The following NUBPL variants were observed in gnomAD, a reference collection of about 807,000 sequenced individuals.
NUBPL encodes the protein NUBP iron-sulfur cluster assembly factor, mitochondrial.
NUBPL carries 31 observed loss-of-function variants against 45.7 expected under a neutral mutation model. That is an observed-to-expected ratio of 0.68 (90% CI 0.51 to 0.92). The LOEUF is 0.92. Ranked by LOEUF, NUBPL falls within the 40% of genes least tolerant of loss-of-function variation. The pLI is 0.00. For missense variants in NUBPL, 401 were observed against 398.7 expected, an observed-to-expected ratio of 1.01 and a Z score of -0.05; for synonymous variants, 144 against 140.9, an observed-to-expected ratio of 1.02 and a Z score of -0.15.
At chr14:31,641,270 A>T (rs1383316008) in intron 4 of NUBPL, among the ~76,000 whole-genome samples, 1 of 151,978 alleles carries the variant, frequency 6.6e-6, no homozygotes, top group East Asian at 1.9e-4. Context: ...CTTTTATATA[A>T]CTGTGTATTT....
At chr14:31,757,682 A>AATTT (rs1470489862) in intron 6 of NUBPL, among the ~76,000 whole-genome samples, 1 of 152,168 alleles carries the variant, frequency 6.6e-6, no homozygotes, top group Non-Finnish European at 1.5e-5. Flanking sequence ...CTAAGTGATA[A>AATTT]ATAGTACATG....
At chr14:31,639,680 C>A (rs557808950) in intron 4 of NUBPL, among the ~76,000 whole-genome samples, 1 of 152,302 alleles carries the variant, frequency 6.6e-6, no homozygotes, top group African/African-American at 2.4e-5. Context: ...GTGCCCTACC[C>A]CAGAGATGGA....
chr14:31,778,825 T>G (rs1288255978), intron 6 of NUBPL, among the ~76,000 whole-genome samples: 1 of 152,216 alleles, frequency 6.6e-6, no homozygotes, highest in Admixed American at 6.5e-5. Flanking sequence ...TTGCCAGTAG[T>G]GTATTGTGGA....
intron 6 of NUBPL, among the ~76,000 whole-genome samples, chr14:31,713,115 G>A (rs1424075359): frequency 6.6e-6 from 1 of 152,132 alleles, no homozygotes; most frequent in East Asian, 1.9e-4. Context: ...ACTTAAATAA[G>A]ACAAACGTTA....
intron 6 of NUBPL, among the ~76,000 whole-genome samples, chr14:31,739,220 A>ATATATATTATAT (rs2038227748): frequency 4.8e-5 from 1 of 21,030 alleles, no homozygotes; most frequent in African/African-American, 2.5e-4. Context: ...ATATTATATT[A>ATATATATTATAT]TATATATATA....
In NUBPL at chr14:31,685,778, C is replaced by T. The variant is rs184821620; in HGVS notation, c.513+12204C>T. Reference sequence around the variant, plus strand: ...AACAAAAGGTATTCTTCCCAGTAGACGGGAAAAGATGGTGCATTTATTCAA... The same window carrying T: ...AACAAAAGGTATTCTTCCCAGTAGATGGGAAAAGATGGTGCATTTATTCAA... On this transcript the variant is annotated intron_variant, in intron 6 of 10. Coordinates refer to ENST00000281081, the MANE Select transcript of NUBPL (RefSeq NM_025152.3). Among the ~76,000 whole-genome samples, 97 of 152,204 alleles carry T rather than the reference C, an allele frequency of 6.4e-4. 1 individual carries two copies. Among genetic ancestry groups the T allele is most frequent in the Non-Finnish European group, 1.1e-3 (75 of 68,000 alleles).
rs759690524 is a variant in NUBPL, at chr14:31,596,817, ATAC to A, written c.292-2471_292-2469del. On this transcript the variant is annotated intron_variant, in intron 3 of 10. Coordinates refer to ENST00000281081, the MANE Select transcript of NUBPL (RefSeq NM_025152.3). ...GCTTTCTCATTCATGAGTATGGATAATACCACCTTGCAGTGTTGCTGTGAGGAT... is the reference window on the plus strand; with the variant it reads ...GCTTTCTCATTCATGAGTATGGATAACACCTTGCAGTGTTGCTGTGAGGAT... Among the ~76,000 whole-genome samples, 8 of 152,342 alleles carry A rather than the reference ATAC, an allele frequency of 5.3e-5. No homozygotes were observed. The South Asian group carries it at 8.3e-4, about 16-fold the overall frequency.
chr14:31,569,935 G>A (rs1308480596), intron 3 of NUBPL, among the ~76,000 whole-genome samples: 5 of 151,806 alleles, frequency 3.3e-5, no homozygotes, highest in Non-Finnish European at 7.4e-5. Context: ...TTCTTTTACG[G>A]CAAAAATTTG....
chr14:31,586,367 A>C (rs1344347845), intron 3 of NUBPL, among the ~76,000 whole-genome samples: 1 of 152,212 alleles, frequency 6.6e-6, no homozygotes, highest in Non-Finnish European at 1.5e-5. Context: ...TAATAATTTG[A>C]AGGTGAGGTG....
intron 6 of NUBPL, among the ~76,000 whole-genome samples, chr14:31,684,343 A>G (rs980261797): frequency 2.0e-5 from 3 of 152,144 alleles, no homozygotes; most frequent in African/African-American, 4.8e-5. Flanking sequence ...CTTATCTTCA[A>G]TTAAGATGTA....
intron 7 of NUBPL, among the ~76,000 whole-genome samples, chr14:31,822,886 T>G (rs1041780674): frequency 2.6e-5 from 4 of 152,194 alleles, no homozygotes; most frequent in African/African-American, 9.6e-5. Context: ...AGATGCTTAT[T>G]TGTGCTACTG....
At chr14:31,798,305 T>TTC (rs1566566956) in intron 7 of NUBPL, among the ~76,000 whole-genome samples, 1 of 114,092 alleles carries the variant, frequency 8.8e-6, no homozygotes, top group Non-Finnish European at 1.5e-5. Context: ...TATTTATGGT[T>TTC]TTTTTTTTTT....
At chr14:31,854,596 A>T (rs998418765) in intron 10 of NUBPL, among the ~76,000 whole-genome samples, 10 of 152,326 alleles carry the variant, frequency 6.6e-5, no homozygotes, top group Non-Finnish European at 1.3e-4. Context: ...ATTCTCACTT[A>T]ATACTCCGAA....
intron 4 of NUBPL, among the ~76,000 whole-genome samples, chr14:31,626,441 A>G (rs2035210067): frequency 6.6e-6 from 1 of 152,274 alleles, no homozygotes; most frequent in East Asian, 1.9e-4. Context: ...CACCTGGCCC[A>G]CTGTTTAGCT....
intron 10 of NUBPL, among the ~76,000 whole-genome samples, chr14:31,856,158 G>C (rs1759127641): frequency 6.6e-6 from 1 of 152,174 alleles, no homozygotes; most frequent in Non-Finnish European, 1.5e-5. Context: ...CACAATCATG[G>C]AGGAAGGTGA....
chr14:31,661,112 A>T (rs542272397), intron 4 of NUBPL, among the ~76,000 whole-genome samples: 1 of 152,350 alleles, frequency 6.6e-6, no homozygotes, highest in African/African-American at 2.4e-5. Flanking sequence ...AGATTAATTA[A>T]ATTCACACCT....
chr14:31,758,011 A>C (rs1289453010), intron 6 of NUBPL, among the ~76,000 whole-genome samples: 1 of 152,134 alleles, frequency 6.6e-6, no homozygotes, highest in African/African-American at 2.4e-5. Context: ...TTCTCGATAT[A>C]CAGGTCTTAT....
intron 8 of NUBPL, among the ~76,000 whole-genome samples, chr14:31,829,497 T>C (rs970900647): frequency 2.0e-5 from 3 of 152,218 alleles, no homozygotes; most frequent in South Asian, 2.1e-4. Context: ...AGTGGATTTG[T>C]TGACCTCTGA....
At chr14:31,678,832 C>T (rs930572330) in intron 6 of NUBPL, among the ~76,000 whole-genome samples, 1 of 152,210 alleles carries the variant, frequency 6.6e-6, no homozygotes, top group African/African-American at 2.4e-5. Flanking sequence ...GGTCCACTGG[C>T]TCTGAGCACA....
Sources: gnomAD v4.1 joint callset for allele counts (sites outside exome capture counted in the v4.1 genomes callset) on GRCh38, gnomAD v4.1.1 for gene constraint, MANE v1.5 for transcripts, NCBI Gene and HGNC (gene_info 2026-07-23, HGNC 2026-07-21) for gene names.